PRKCH: variants seen among roughly 807,000 people sequenced by gnomAD.
PRKCH encodes the protein protein kinase C eta type.
In PRKCH, 28 loss-of-function variants were observed where a neutral mutation model predicts 82.5. The ratio of observed to expected loss-of-function variants is 0.34; its 90% CI spans 0.25 to 0.47. PRKCH has a LOEUF of 0.47. Ranked by LOEUF, PRKCH falls within the 20% of genes least tolerant of loss-of-function variation. The pLI is 1.00. For synonymous variants in PRKCH, 322 were observed against 327.4 expected (o/e 0.98, Z 0.18); for missense variants, 705 against 881.8 (o/e 0.80, Z 2.54).
At chr14:61,208,523 A>T (rs1017402674) in intron 1 of PRKCH, among the ~76,000 whole-genome samples, 1 of 152,332 alleles carries the variant, frequency 6.6e-6, no homozygotes, top group African/African-American at 2.4e-5. Context: ...CAAAGGTGAG[A>T]CATAATCCCC....
intron 1 of PRKCH, among the ~76,000 whole-genome samples, chr14:61,381,745 C>T (rs901912773): frequency 3.9e-5 from 6 of 152,334 alleles, no homozygotes; most frequent in South Asian, 2.1e-4. Context: ...GGAGGTGAGG[C>T]GAGAGCACCC....
At chr14:61,295,692 A>T (rs1402723333) in intron 1 of PRKCH, among the ~76,000 whole-genome samples, 2 of 152,180 alleles carry the variant, frequency 1.3e-5, no homozygotes, top group Non-Finnish European at 2.9e-5. Context: ...AGGTGATTCC[A>T]TACCACACGT....
chr14:61,358,980 A>C (rs2046188107), intron 1 of PRKCH, among the ~76,000 whole-genome samples: 1 of 152,146 alleles, frequency 6.6e-6, no homozygotes, highest in South Asian at 2.1e-4. Context: ...TCTTCCATAG[A>C]GTCCTGTCAT....
intron 1 of PRKCH, among the ~76,000 whole-genome samples, chr14:61,349,950 G>A (rs2046049187): frequency 6.6e-6 from 1 of 152,164 alleles, no homozygotes; most frequent in Admixed American, 6.5e-5. Context: ...TATTTAGCAA[G>A]CACTCAATGA....
intron 1 of PRKCH, among the ~76,000 whole-genome samples, chr14:61,272,613 C>T (rs1351313352): frequency 2.6e-5 from 4 of 151,952 alleles, no homozygotes; most frequent in African/African-American, 7.3e-5. Context: ...GCCTCGGCCT[C>T]CCAAAGTGCT....
At chr14:61,323,047 A>G (rs997815637) in intron 1 of PRKCH, among the ~76,000 whole-genome samples, 21 of 152,104 alleles carry the variant, frequency 1.4e-4, no homozygotes, top group South Asian at 4.1e-4. Context: ...CATTTTTCCA[A>G]GGAGATGAGA....
intron 10 of PRKCH, among the ~76,000 whole-genome samples, chr14:61,492,762 T>C (rs1886504808): frequency 6.6e-6 from 1 of 152,192 alleles, no homozygotes; most frequent in South Asian, 2.1e-4. Flanking sequence ...GTGAGAGAGA[T>C]AGCCATTAAT....
intron 10 of PRKCH, among the ~76,000 whole-genome samples, chr14:61,498,041 G>A (rs1314957994): frequency 6.6e-6 from 1 of 151,992 alleles, no homozygotes; most frequent in Non-Finnish European, 1.5e-5. Context: ...TAGAGATGGA[G>A]TCTCACTCTG....
At chr14:61,274,691 T>C (rs2045187198) in intron 1 of PRKCH, among the ~76,000 whole-genome samples, 1 of 152,218 alleles carries the variant, frequency 6.6e-6, no homozygotes, top group Admixed American at 6.5e-5. Flanking sequence ...TCTGATGCTA[T>C]TCTTGGAAGG....
chr14:61,315,753 AT>A (rs3028702), intron 1 of PRKCH, among the ~76,000 whole-genome samples: 5 of 143,256 alleles, frequency 3.5e-5, no homozygotes, highest in African/African-American at 7.8e-5. Context: ...TATTTACTGG[AT>A]TTTTTTTTTT....
At chr14:61,386,409 A>G (rs2046587845) in intron 1 of PRKCH, among the ~76,000 whole-genome samples, 1 of 152,190 alleles carries the variant, frequency 6.6e-6, no homozygotes, top group African/African-American at 2.4e-5. Flanking sequence ...AGGCAGCTAG[A>G]AGCCCGTTCA....
At chr14:61,448,625 A>G (rs539841718) in intron 4 of PRKCH, among the ~76,000 whole-genome samples, 131 of 152,302 alleles carry the variant, frequency 8.6e-4, no homozygotes, top group Non-Finnish European at 1.4e-3. Context: ...TCTGAGTTAC[A>G]TCTTGTCCTA....
chr14:61,351,315 G>A (rs773514462), intron 1 of PRKCH, among the ~76,000 whole-genome samples: 9 of 152,190 alleles, frequency 5.9e-5, no homozygotes, highest in Non-Finnish European at 1.2e-4. Context: ...CCCAGATGGC[G>A]CTTCCAGCTA....
At chr14:61,319,609 T>A (rs1347310131), upstream of PRKCH, among the ~76,000 whole-genome samples, 1 of 152,210 alleles carries the variant, frequency 6.6e-6, no homozygotes, top group Non-Finnish European at 1.5e-5. Flanking sequence ...TGATTCTGTA[T>A]GGGGACTGTT....
intron 1 of PRKCH, among the ~76,000 whole-genome samples, chr14:61,202,557 G>A (rs1171813666): frequency 2.6e-5 from 4 of 152,172 alleles, no homozygotes; most frequent in African/African-American, 7.2e-5. Flanking sequence ...GAGCAGTGGG[G>A]GAGGGGAGGA....
chr14:61,198,068 T>C (rs933776128), intron 1 of PRKCH, among the ~76,000 whole-genome samples: 8 of 131,754 alleles, frequency 6.1e-5, no homozygotes, highest in South Asian at 2.4e-4. Context: ...TCTGAATTGA[T>C]CCTTAAAAAA....
At chr14:61,462,263 G>A (rs1885059927) in intron 9 of PRKCH, among the ~76,000 whole-genome samples, 1 of 152,170 alleles carries the variant, frequency 6.6e-6, no homozygotes, top group Non-Finnish European at 1.5e-5. Context: ...GGTGGTGCAT[G>A]CCTGCAATTC....
intron 10 of PRKCH, among the ~76,000 whole-genome samples, chr14:61,508,278 T>A (rs970229042): frequency 6.6e-6 from 1 of 152,060 alleles, no homozygotes; most frequent in Non-Finnish European, 1.5e-5. Context: ...CTGGCAAGTG[T>A]TTTTTTAGCC....
chr14:61,438,994 G>C (rs543565868), intron 2 of PRKCH, among the ~76,000 whole-genome samples: 61 of 152,304 alleles, frequency 4.0e-4, no homozygotes, highest in Non-Finnish European at 7.4e-4. Context: ...GTGAATTTCC[G>C]TGCTGGGACA....
Sources: gnomAD v4.1 joint callset for allele counts (sites outside exome capture counted in the v4.1 genomes callset) on GRCh38, gnomAD v4.1.1 for gene constraint, MANE v1.5 for transcripts, NCBI Gene and HGNC (gene_info 2026-07-23, HGNC 2026-07-21) for gene names.